MAML3: variants seen among roughly 807,000 people sequenced by gnomAD.
The protein encoded by MAML3 is mastermind-like protein 3.
In MAML3, 27 loss-of-function variants were observed where a neutral mutation model predicts 101.9. That is an observed-to-expected ratio of 0.27 (90% CI 0.20 to 0.37). MAML3 has a LOEUF of 0.37. Ranked by LOEUF, MAML3 falls within the 10% of genes least tolerant of loss-of-function variation. The probability of loss-of-function intolerance (pLI) is 1.00; values close to 1 mark genes in which losing one functional copy is unlikely to be tolerated. For missense variants in MAML3, 1,316 were observed against 1,444.9 expected, an observed-to-expected ratio of 0.91 and a Z score of 1.45; for synonymous variants, 501 against 555.9, an observed-to-expected ratio of 0.90 and a Z score of 1.39.
chr4:140,151,536 GAT>G (rs1729167534), intron 1 of MAML3, among the ~76,000 whole-genome samples: 1 of 152,266 alleles, frequency 6.6e-6, no homozygotes, highest in African/African-American at 2.4e-5. Flanking sequence ...GAACGTGTGC[GAT>G]TTCTAAACCG....
chr4:140,058,136 A>G (rs1208171986), intron 1 of MAML3, among the ~76,000 whole-genome samples: 1 of 152,132 alleles, frequency 6.6e-6, no homozygotes, highest in Non-Finnish European at 1.5e-5. Context: ...AAGGTACCAT[A>G]CCCTTTCAAA....
rs558806703 is a variant in MAML3, at chr4:139,931,847, T to TA, written c.469-40881dup. Among the ~76,000 whole-genome samples the TA allele has an allele frequency of 8.8e-3, 1,190 of 135,032 alleles. 12 individuals are homozygous for TA. The highest frequency in any genetic ancestry group is 0.027 in the African/African-American group (955 of 35,758). The allele number at this position is 135,032 out of a possible 152,430, so 88.6% of individuals were successfully genotyped here. On this transcript the variant is annotated intron_variant, in intron 1 of 4. Transcript: ENST00000509479. Reference sequence around the variant, plus strand: ...GAACATGGTGAAACGCCGTCTCTACTAAAAAAAAAAAAAATACAAAAATTA... The same window carrying TA: ...GAACATGGTGAAACGCCGTCTCTACTAAAAAAAAAAAAAAATACAAAAATTA...
intron 1 of MAML3, among the ~76,000 whole-genome samples, chr4:140,090,637 T>A (rs1172255963): frequency 2.0e-5 from 3 of 152,242 alleles, no homozygotes; most frequent in Admixed American, 6.5e-5. Flanking sequence ...ACAGTCTAAC[T>A]CTTACCACAA....
intron 2 of MAML3, among the ~76,000 whole-genome samples, chr4:139,798,347 C>T (rs760939208): frequency 4.6e-5 from 7 of 152,170 alleles, no homozygotes; most frequent in South Asian, 2.1e-4. Context: ...TTTAAATGGT[C>T]GAACTCAACC....
chr4:139,997,088 T>C (rs1013995116), intron 1 of MAML3, among the ~76,000 whole-genome samples: 8 of 141,866 alleles, frequency 5.6e-5, no homozygotes, highest in African/African-American at 1.7e-4. Context: ...TAAAATAAAA[T>C]AAATTTTTTT....
chr4:140,062,283 A>C (rs985540014), intron 1 of MAML3, among the ~76,000 whole-genome samples: 1 of 152,178 alleles, frequency 6.6e-6, no homozygotes, highest in Non-Finnish European at 1.5e-5. Context: ...TGGATCATGA[A>C]AATCAGACAG....
At chr4:140,070,057 A>C (rs187269432) in intron 1 of MAML3, among the ~76,000 whole-genome samples, 6 of 152,246 alleles carry the variant, frequency 3.9e-5, no homozygotes, top group African/African-American at 1.2e-4. Flanking sequence ...CACAAGTCGC[A>C]GTGAGCCAAG....
At chr4:140,135,185 T>C (rs116195938) in intron 1 of MAML3, among the ~76,000 whole-genome samples, 330 of 152,310 alleles carry the variant, frequency 2.2e-3, no homozygotes, top group African/African-American at 7.6e-3. Flanking sequence ...ATTTAAAAAA[T>C]AGACCCATGC....
intron 1 of MAML3, among the ~76,000 whole-genome samples, chr4:140,092,566 C>T (rs185046378): frequency 6.6e-6 from 1 of 152,280 alleles, no homozygotes; most frequent in Admixed American, 6.5e-5. Context: ...ACTTAACTCC[C>T]CGCCGCACTG....
intron 1 of MAML3, among the ~76,000 whole-genome samples, chr4:140,147,262 T>A (rs1729080738): frequency 6.6e-6 from 1 of 152,026 alleles, no homozygotes; most frequent in South Asian, 2.1e-4. Flanking sequence ...TTAACTTCCA[T>A]GAAACACTAT....
chr4:139,800,823 T>C (rs1007172713), intron 2 of MAML3, among the ~76,000 whole-genome samples: 2 of 152,254 alleles, frequency 1.3e-5, no homozygotes, highest in African/African-American at 4.8e-5. Flanking sequence ...TGATTTCATT[T>C]ATTTTGCAAC....
At chr4:140,106,183 C>T (rs1466192068) in intron 1 of MAML3, among the ~76,000 whole-genome samples, 2 of 150,736 alleles carry the variant, frequency 1.3e-5, no homozygotes, top group South Asian at 2.1e-4. Context: ...AGAGGAGGCT[C>T]AAATTAATTT....
intron 1 of MAML3, among the ~76,000 whole-genome samples, chr4:140,051,946 A>C (rs1012097107): frequency 1.1e-4 from 16 of 152,244 alleles, no homozygotes; most frequent in Admixed American, 2.0e-4. Context: ...CCCTGTGAGG[A>C]CTATCTCAGA....
chr4:139,899,992 T>G (rs1732684339), intron 1 of MAML3, among the ~76,000 whole-genome samples: 1 of 152,174 alleles, frequency 6.6e-6, no homozygotes, highest in East Asian at 1.9e-4. Flanking sequence ...TAAAGGGGCC[T>G]CACCCTCTTA....
In MAML3 at chr4:139,953,483, C is replaced by T. The variant is rs373414056; in HGVS notation, c.469-62516G>A. 4.2e-4 allele frequency among the ~76,000 whole-genome samples: 64 copies of T among 152,150 alleles called. 1 individual carries two copies. Among genetic ancestry groups the T allele is most frequent in the Admixed American group, 2.6e-3 (40 of 15,282 alleles). The stretch of plus-strand genomic sequence containing the variant: ...TCTACTAAAAATACAAAAATTAGCA[C>T]GGCATGGTGGCAGGTGCCTGTAATC... On this transcript the variant is annotated intron_variant, in intron 1 of 4. Coordinates refer to ENST00000509479, the MANE Select transcript of MAML3 (RefSeq NM_018717.5).
intron 1 of MAML3, among the ~76,000 whole-genome samples, chr4:139,981,477 C>G (rs1449183099): frequency 6.6e-6 from 1 of 152,100 alleles, no homozygotes; most frequent in East Asian, 1.9e-4. Context: ...ACAGAAAGTT[C>G]CCATATATCC....
At chr4:140,133,009 A>G (rs1487134864) in intron 1 of MAML3, 9 of 403,652 alleles carry the variant, frequency 2.2e-5, no homozygotes, top group Middle Eastern at 7.8e-4. Context: ...ACTATCAAAA[A>G]TATGTTGAAG....
chr4:139,867,965 T>C (rs542826265), intron 2 of MAML3, among the ~76,000 whole-genome samples: 3 of 152,350 alleles, frequency 2.0e-5, no homozygotes, highest in Admixed American at 6.5e-5. Context: ...ATTATTCTTC[T>C]GGAATTGAGT....
intron 1 of MAML3, among the ~76,000 whole-genome samples, chr4:139,929,334 G>A (rs1178396794): frequency 2.6e-5 from 4 of 152,172 alleles, no homozygotes; most frequent in Non-Finnish European, 4.4e-5. Context: ...CTGTGGTTGC[G>A]GTTAGCCATT....
Sources: gnomAD v4.1 joint callset for allele counts (sites outside exome capture counted in the v4.1 genomes callset) on GRCh38, gnomAD v4.1.1 for gene constraint, MANE v1.5 for transcripts, NCBI Gene and HGNC (gene_info 2026-07-23, HGNC 2026-07-21) for gene names.